ZNF746: variants seen among roughly 807,000 people sequenced by gnomAD.
The protein encoded by ZNF746 is parkin-interacting substrate.
A neutral mutation model predicts 41.0 loss-of-function variants in ZNF746; 13 were observed. The ratio of observed to expected loss-of-function variants is 0.32; its 90% CI spans 0.21 to 0.50. The LOEUF (loss-of-function observed/expected upper bound fraction) is 0.50, where lower values mean the gene tolerates loss of function less well. ZNF746 is among the 20% of genes least tolerant of loss of function. The probability of loss-of-function intolerance (pLI) is 0.98; values close to 1 mark genes in which losing one functional copy is unlikely to be tolerated. For synonymous variants in ZNF746, 424 were observed against 396.2 expected (o/e 1.07, Z -0.83); for missense variants, 811 against 922.9 (o/e 0.88, Z 1.57).
intron 6 of ZNF746, among the ~76,000 whole-genome samples, 193 bp downstream of exon 6, chr7:149,476,729 G>A (rs543705213): frequency 6.6e-6 from 1 of 152,320 alleles, no homozygotes; most frequent in East Asian, 1.9e-4. Flanking sequence ...ATGTCCTCAA[G>A]AAGGGCTGCT....
At position 149,475,237 on chromosome 7, in the gene ZNF746, G is replaced by A. The variant is rs368614322; in HGVS notation, c.1130C>T (p.Ala377Val). 4 of 1,612,898 alleles carry A rather than the reference G, an allele frequency of 2.5e-6. No individual in the cohort carries two copies. Among genetic ancestry groups the A allele is most frequent in the African/African-American group, 2.7e-5 (2 of 74,912 alleles). ...AGGAGGGGTCTCCTCCTGGGCCACA[G>A]CAGGACTGAGCTCACCCATGTCCCT... ...PERDMGELSP[A>V]VAQEETPPGD... Residue 377 changes from alanine (A) to valine (V), a missense_variant, in exon 7 of 7, where the codon GCT becomes GTT. Ala to Val is a moderately conservative substitution (Grantham distance 64). Transcript: ENST00000458143.
At chr7:149,489,809 G>A in intron 4 of ZNF746, 1 of 153,316 alleles carries the variant, frequency 6.5e-6, no homozygotes, top group Non-Finnish European at 1.5e-5. Flanking sequence ...GGCCTACGTG[G>A]CAGAGTAGAG....
intron 1 of ZNF746, chr7:149,497,000 C>T: frequency 2.0e-6 from 2 of 985,426 alleles, no homozygotes; most frequent in Non-Finnish European, 2.4e-6. Flanking sequence ...TGAGGACAGA[C>T]TAACGCCTCA....
At chr7:149,477,821 C>A in intron 4 of ZNF746, 66 bp from the exon 5 acceptor site, 1 of 1,362,686 alleles carries the variant, frequency 7.3e-7, no homozygotes, top group East Asian at 2.5e-5. Flanking sequence ...ATACACGCAT[C>A]CAGCCGGAGA....
intron 4 of ZNF746, chr7:149,488,992 G>C (rs1462894364): frequency 1.3e-5 from 2 of 152,144 alleles, no homozygotes; most frequent in Non-Finnish European, 2.9e-5. Flanking sequence ...TCTGTTAAAA[G>C]GAATGAACTT....
chr7:149,483,669 C>T (rs1402747316), intron 4 of ZNF746, among the ~76,000 whole-genome samples: 2 of 150,134 alleles, frequency 1.3e-5, no homozygotes, highest in African/African-American at 4.9e-5. Context: ...CAATGCAAGA[C>T]ATTAGAAAAT....
At chr7:149,492,177 T>C (rs773422727) in intron 4 of ZNF746, among the ~76,000 whole-genome samples, 26 of 152,162 alleles carry the variant, frequency 1.7e-4, no homozygotes, top group Non-Finnish European at 3.2e-4. Context: ...CACTTATAAA[T>C]GGATTTTCTT....
intron 4 of ZNF746, among the ~76,000 whole-genome samples, chr7:149,483,663 G>A (rs1800545201): frequency 6.6e-6 from 1 of 151,324 alleles, no homozygotes; most frequent in Non-Finnish European, 1.5e-5. Context: ...AAGCGTCAAT[G>A]CAAGACATTA....
intron 4 of ZNF746, among the ~76,000 whole-genome samples, chr7:149,486,214 A>G (rs1193439516): frequency 1.3e-5 from 2 of 152,306 alleles, no homozygotes; most frequent in Admixed American, 1.3e-4. Context: ...AGAAATAAAA[A>G]CAGCATTTCC....
chr7:149,495,869 T>C (rs2116504254), intron 1 of ZNF746, among the ~76,000 whole-genome samples: 2 of 152,346 alleles, frequency 1.3e-5, no homozygotes, highest in East Asian at 3.9e-4. Flanking sequence ...TGGGAGATTC[T>C]GGACAAGCTG....
At position 149,474,444 on chromosome 7, in the gene ZNF746, A is replaced by C; in HGVS notation, c.1923T>G (p.Leu641=). ...TGAGGCCACAAGTCCAGTCGGTCAC[A>C]AGGTCTGTGGAGGCCAAAGGTCCTT... is the stretch of plus-strand genomic sequence containing the variant. The part of the protein sequence containing the change: ...ASKGPLASTD[L]VTDWTCGLSV... Residue 641 remains leucine (L), a synonymous_variant, in exon 7 of 7, where the codon CTT becomes CTG. Coordinates refer to ENST00000458143, the MANE Select transcript of ZNF746 (RefSeq NM_001394198.1). The surrounding 1 kb of genome is among the most constrained non-coding windows in gnomAD (Gnocchi z 6.3). The C allele has an allele frequency of 6.2e-7, 1 of 1,611,622 alleles. No individual in the cohort carries two copies. Among genetic ancestry groups the C allele is most frequent in the Non-Finnish European group, 8.5e-7 (1 of 1,178,976 alleles).
At chr7:149,478,997 G>A (rs1800404856) in intron 4 of ZNF746, among the ~76,000 whole-genome samples, 1 of 152,136 alleles carries the variant, frequency 6.6e-6, no homozygotes, top group South Asian at 2.1e-4. Context: ...GAGAGATAAA[G>A]AATGAAAAAT....
Position 149,474,443 on chromosome 7 carries a change from C to G in ZNF746, c.1924G>C (p.Val642Leu). The G allele has an allele frequency of 6.8e-6, 11 of 1,611,610 alleles. No individual in the cohort carries two copies. The highest frequency in any genetic ancestry group is 9.3e-6 in the Non-Finnish European group (11 of 1,178,980). Reference protein sequence around the residue: ...SKGPLASTDLVTDWTCGLSVL... With the variant: ...SKGPLASTDLLTDWTCGLSVL... ...CTGAGGCCACAAGTCCAGTCGGTCA[C>G]AAGGTCTGTGGAGGCCAAAGGTCCT... The change falls in exon 7 of 7, where the codon GTG becomes CTG. Residue 642 changes from valine (V) to leucine (L), a missense_variant. Around this residue, in one of 4 missense-constraint regions of ZNF746, gnomAD observed 99 missense variants for 80.3 expected, o/e 1.23. Transcript: ENST00000458143. The surrounding 1 kb of genome is among the most constrained non-coding windows in gnomAD (Gnocchi z 6.3).
rs140167467 is a variant in ZNF746, at chr7:149,477,598, G to A, written c.723C>T (p.Ser241=). ...EEPWGLSQLD[S]GAGDISTDAT... ...CATCCGTGGAGATGTCTCCTGCTCC[G>A]GAATCCAGCTGGCTGAGGCCCCAGG... The change falls in exon 5 of 7, where the codon TCC becomes TCT. Residue 241 remains serine (S), a synonymous_variant. Transcript: ENST00000458143. 1.5e-4 allele frequency: 250 copies of A among 1,612,930 alleles called. No homozygotes were observed. The highest frequency in any genetic ancestry group is 3.2e-4 in the Admixed American group (19 of 59,954).
rs1165354268 is a variant in ZNF746 at position 149,475,422 on chromosome 7, T to C, written c.945A>G (p.Val315=). The C allele has an allele frequency of 2.5e-6, 4 of 1,614,154 alleles. No homozygotes were observed. Among genetic ancestry groups the C allele is most frequent in the Non-Finnish European group, 3.4e-6 (4 of 1,179,994 alleles). ...VQEEEVVATP[V]HPTDLEAHGT... is the part of the protein sequence containing the mutation. ...CGTGAGCCTCTAGGTCAGTAGGATG[T>C]ACGGGTGTGGCCACCACCTCCTCTT... The change falls in exon 7 of 7, where the codon GTA becomes GTG. Residue 315 remains valine (V), a synonymous_variant. Coordinates refer to ENST00000458143, the MANE Select transcript of ZNF746 (RefSeq NM_001394198.1).
At position 149,474,666 on chromosome 7, in the gene ZNF746, G is replaced by T; in HGVS notation, c.1701C>A (p.Ser567=). Residue 567 remains serine (S), a synonymous_variant, in exon 7 of 7, where the codon TCC becomes TCA. Coordinates refer to ENST00000458143, the MANE Select transcript of ZNF746 (RefSeq NM_001394198.1). The surrounding 1 kb of genome is among the most constrained non-coding windows in gnomAD (Gnocchi z 6.3). ...GCGTTCGGTAGTGGTCGATGAGCTT[G>T]GAGCGTTCGGTGAAGCGCTTCTCAC... ...TECEKRFTER[S]KLIDHYRTHT... is the part of the protein sequence containing the mutation. The T allele has an allele frequency of 6.2e-7, 1 of 1,613,352 alleles. No individual in the cohort carries two copies. Among genetic ancestry groups the T allele is most frequent in the Non-Finnish European group, 8.5e-7 (1 of 1,179,780 alleles).
At chr7:149,495,954 G>C (rs1012394684) in intron 1 of ZNF746, among the ~76,000 whole-genome samples, 5 of 147,210 alleles carry the variant, frequency 3.4e-5, no homozygotes, top group Non-Finnish European at 7.5e-5. Flanking sequence ...ACAGCACCTG[G>C]GTGGGCCAGC....
chr7:149,497,284 G>C lies in ZNF746; in HGVS notation c.24+229C>G. ...AAAGAACTTGGCGTGGGGCGGCCCG[G>C]GGCGGGGACAACCGTTCCGCCAGCG... On this transcript the variant is annotated intron_variant, in intron 1 of 6. Transcript: ENST00000458143. This position sits in a 1 kb window ranked among gnomAD's most constrained non-coding sequence, Gnocchi z 4.2. The C allele has an allele frequency of 2.0e-6, 2 of 985,260 alleles. No homozygotes were observed. The highest frequency in any genetic ancestry group is 2.4e-6 in the Non-Finnish European group (2 of 829,848). The allele number at this position is 985,260 out of a possible 1,614,324, so 61.0% of individuals were successfully genotyped here.
Position 149,475,343 on chromosome 7 carries a change from C to T in ZNF746, c.1024G>A (p.Glu342Lys), listed in dbSNP as rs1211766821. The T allele has an allele frequency of 6.2e-7, 1 of 1,613,952 alleles. No homozygotes were observed. Among genetic ancestry groups the T allele is most frequent in the African/African-American group, 1.3e-5 (1 of 74,896 alleles). Residue 342 changes from glutamate to lysine, a missense_variant, in exon 7 of 7, where the codon GAA (glutamate) becomes AAA (lysine). Physicochemically the swap from Glu to Lys is moderately conservative, Grantham distance 56. Coordinates refer to ENST00000458143, the MANE Select transcript of ZNF746 (RefSeq NM_001394198.1). The stretch of plus-strand genomic sequence containing the variant: ...CTGCCCTGGCTTTCCCAGGCTCCTT[C>T]CTGGGCAGGACTAGGGAAGAACCGT... The part of the protein sequence containing the change: ...ATRFFPSPAQ[E>K]GAWESQGSSF...
Sources: allele counts gnomAD v4.1 joint callset (sites outside exome capture counted in the v4.1 genomes callset), GRCh38; gene constraint gnomAD v4.1.1; regional missense constraint gnomAD v4.1.1; non-coding constraint Gnocchi (gnomAD v3.1); transcripts MANE v1.5; gene names NCBI Gene and HGNC (gene_info 2026-07-23, HGNC 2026-07-21).